CDH2: variants seen among roughly 807,000 people sequenced by gnomAD.
The protein encoded by CDH2 is cadherin-2.
Under a neutral mutation model 92.0 loss-of-function variants are expected in CDH2, and 17 were observed. That is an observed-to-expected ratio of 0.18 (90% CI 0.13 to 0.28). CDH2 has a LOEUF of 0.28. Among genes scored for constraint, CDH2 ranks in the 10% least tolerant of loss-of-function variants. CDH2 has a pLI of 1.00. For synonymous variants in CDH2, 419 were observed against 415.9 expected (o/e 1.01, Z -0.09); for missense variants, 862 against 1,133.1 (o/e 0.76, Z 3.44).
At position 28,138,064 on chromosome 18, in the gene CDH2, T is replaced by C. The variant is rs1598501035; in HGVS notation, c.172+9609A>G. 2.0e-5 allele frequency among the ~76,000 whole-genome samples: 3 copies of C among 152,022 alleles called. No homozygotes were observed. The East Asian group carries it at 5.8e-4, about 29-fold the overall frequency. ...GATGTGTGTGTGTGTGTGTGAAGGT[T>C]TTACTCCATCAATTTGACAGCTTAT... On this transcript the variant is annotated intron_variant, in intron 2 of 15. Transcript: ENST00000269141.
rs1370225600 is a variant in CDH2, at chr18:28,147,743, A to C, written c.102T>G (p.Thr34=). The change falls in exon 2 of 16, where the codon ACT becomes ACG. Residue 34 remains threonine, a synonymous_variant. Coordinates refer to ENST00000269141, the MANE Select transcript of CDH2 (RefSeq NM_001792.5). ...EASGEIALCK[T]GFPEDVYSAV... ...CACTGTAAACATCTTCAGGAAATCC[A>C]GTCTTGCATAATGCGATTTCACCAG... The C allele has an allele frequency of 1.2e-6, 2 of 1,612,678 alleles. No individual in the cohort carries two copies. Among genetic ancestry groups the C allele is most frequent in the Non-Finnish European group, 1.7e-6 (2 of 1,179,382 alleles).
intron 6 of CDH2, among the ~76,000 whole-genome samples, chr18:27,935,407 A>G (rs1908994048): frequency 6.6e-6 from 1 of 152,182 alleles, no homozygotes; most frequent in South Asian, 2.1e-4. Flanking sequence ...GAACTCTATC[A>G]CAAGACAGCA....
At chr18:27,986,898 T>C (rs2012252648) in intron 11 of CDH2, among the ~76,000 whole-genome samples, 1 of 152,200 alleles carries the variant, frequency 6.6e-6, no homozygotes. Flanking sequence ...ATATAGAATA[T>C]GTAGGTAGTG....
chr18:27,997,884 G>T (rs1332760283), intron 7 of CDH2, among the ~76,000 whole-genome samples: 1 of 151,920 alleles, frequency 6.6e-6, no homozygotes, highest in Non-Finnish European at 1.5e-5. Context: ...TCGGCTCACT[G>T]CAAGCTCTGC....
intron 2 of CDH2, among the ~76,000 whole-genome samples, chr18:28,090,618 T>C (rs1489667404): frequency 6.6e-6 from 1 of 152,226 alleles, no homozygotes; most frequent in East Asian, 1.9e-4. Flanking sequence ...TCTGTGTATG[T>C]TTATTAGAGT....
chr18:27,960,727 G>T (rs2011380164), intron 15 of CDH2, among the ~76,000 whole-genome samples: 1 of 152,202 alleles, frequency 6.6e-6, no homozygotes, highest in Non-Finnish European at 1.5e-5. Flanking sequence ...TTGAGCTCAA[G>T]ATGGTTTCAC....
At chr18:28,044,335 C>T (rs2014026812) in intron 2 of CDH2, among the ~76,000 whole-genome samples, 1 of 152,158 alleles carries the variant, frequency 6.6e-6, no homozygotes. Flanking sequence ...CTGTTAACCC[C>T]TTACATTGTT....
chr18:28,097,962 A>C (rs2015164101), intron 2 of CDH2, among the ~76,000 whole-genome samples: 1 of 152,090 alleles, frequency 6.6e-6, no homozygotes, highest in African/African-American at 2.4e-5. Context: ...ACTATAGAGG[A>C]CTCTTGCAAA....
chr18:28,161,581 A>G (rs888625698), intron 1 of CDH2, among the ~76,000 whole-genome samples: 113 of 135,792 alleles, frequency 8.3e-4, no homozygotes, highest in African/African-American at 2.8e-3. Flanking sequence ...CCCTGTCTCG[A>G]AAAAAAAAAA....
In CDH2 at chr18:27,998,144, C is replaced by T. The variant is rs531854907; in HGVS notation, c.1021-4507G>A. 7.9e-5 allele frequency among the ~76,000 whole-genome samples: 12 copies of T among 152,288 alleles called. No individual in the cohort carries two copies. The East Asian group carries it at 2.3e-3, about 29-fold the overall frequency. On this transcript the variant is annotated intron_variant, in intron 7 of 15. Transcript: ENST00000269141. ...TTCTTAACTGCTAAGCCCCACTTCCCTCATCTGTGAAATGGGACTAAAAGT... is the reference window on the plus strand; with the variant it reads ...TTCTTAACTGCTAAGCCCCACTTCCTTCATCTGTGAAATGGGACTAAAAGT...
At chr18:28,013,214 G>T (rs1043416852) in intron 3 of CDH2, among the ~76,000 whole-genome samples, 2 of 152,078 alleles carry the variant, frequency 1.3e-5, no homozygotes, top group Admixed American at 6.6e-5. Flanking sequence ...TTCCTAAAAA[G>T]TCATGTTGGT....
downstream of CDH2, among the ~76,000 whole-genome samples, chr18:27,947,216 A>G (rs1909289962): frequency 1.3e-5 from 2 of 151,980 alleles, no homozygotes; most frequent in South Asian, 2.1e-4. Context: ...AACAGGAGAA[A>G]TAAAAGTTGA....
chr18:27,952,417 C>A, intron 15 of CDH2, 58 bp from the exon 16 acceptor site: 1 of 1,343,752 alleles, frequency 7.4e-7, no homozygotes. Flanking sequence ...CTTTACAAAA[C>A]CACAAGCAGA....
intron 2 of CDH2, among the ~76,000 whole-genome samples, chr18:28,081,244 T>C (rs1291275730): frequency 1.3e-5 from 2 of 152,220 alleles, no homozygotes; most frequent in Non-Finnish European, 2.9e-5. Context: ...TTATCACTGC[T>C]TTTTGAAATT....
chr18:28,172,076 G>GGTGT (rs34158369), intron 1 of CDH2, among the ~76,000 whole-genome samples: 6,075 of 146,538 alleles, frequency 0.041, 325 homozygotes, highest in African/African-American at 0.13. Context: ...ATACATTTGG[G>GGTGT]GTGTGTGTGT....
At position 27,992,660 on chromosome 18, in the gene CDH2, C is replaced by T; in HGVS notation, c.1339G>A (p.Val447Ile). 1 of 1,610,474 alleles carries T rather than the reference C, an allele frequency of 6.2e-7. No individual in the cohort carries two copies. The highest frequency in any genetic ancestry group is 8.5e-7 in the Non-Finnish European group (1 of 1,177,846). The change falls in exon 9 of 16, where the codon GTC becomes ATC. Residue 447 changes from valine (V) to isoleucine (I), a missense_variant. Physicochemically the swap from Val to Ile is conservative, Grantham distance 29. Around this residue, in one of 5 missense-constraint regions of CDH2, gnomAD observed 564 missense variants for 722.2 expected, o/e 0.78. Transcript: ENST00000269141. ...GTGGCCCGAGGAACACTTACTTTGA[C>T]CACGGTGACTAACCCGTCGTTGCTG... is the stretch of plus-strand genomic sequence containing the variant. ...PNSNDGLVTV[V>I]KPIDFETNRM...
At chr18:28,063,937 A>C (rs1366925384) in intron 2 of CDH2, among the ~76,000 whole-genome samples, 2 of 152,250 alleles carry the variant, frequency 1.3e-5, no homozygotes, top group Non-Finnish European at 2.9e-5. Context: ...AGTATATTGC[A>C]AATAATAACC....
chr18:28,031,899 T>C (rs748290856), intron 2 of CDH2, among the ~76,000 whole-genome samples: 1 of 152,098 alleles, frequency 6.6e-6, no homozygotes. Context: ...AATCAGATAA[T>C]GAATAAAAGG....
At chr18:28,169,990 A>G (rs2016440866) in intron 1 of CDH2, among the ~76,000 whole-genome samples, 3 of 152,216 alleles carry the variant, frequency 2.0e-5, no homozygotes. Flanking sequence ...TAAACATTCA[A>G]TCAGTCAGGA....
Sources: gnomAD v4.1 joint callset for allele counts (sites outside exome capture counted in the v4.1 genomes callset) on GRCh38, gnomAD v4.1.1 for gene constraint, gnomAD v4.1.1 regional missense constraint, MANE v1.5 for transcripts, NCBI Gene and HGNC (gene_info 2026-07-23, HGNC 2026-07-21) for gene names.